PCNT: variants seen among roughly 807,000 people sequenced by gnomAD.
The protein encoded by PCNT is kendrin.
A neutral mutation model predicts 380.4 loss-of-function variants in PCNT; 319 were observed. That is an observed-to-expected ratio of 0.84 (90% CI 0.77 to 0.92). The LOEUF (loss-of-function observed/expected upper bound fraction) is 0.92. Ranked by LOEUF, PCNT falls within the 40% of genes least tolerant of loss-of-function variation. The pLI, the probability that PCNT is intolerant of heterozygous loss-of-function variation, is 0.00. For missense variants in PCNT, 4,400 were observed against 4,255.3 expected, an observed-to-expected ratio of 1.03 and a Z score of -0.95; for synonymous variants, 1,845 against 1,735.2, an observed-to-expected ratio of 1.06 and a Z score of -1.57.
At chr21:46,418,685 G>A (rs1326903915) in intron 31 of PCNT, among the ~76,000 whole-genome samples, 1 of 152,256 alleles carries the variant, frequency 6.6e-6, no homozygotes, top group Non-Finnish European at 1.5e-5. Flanking sequence ...GACTGGGGCG[G>A]TGCACGCCAT....
intron 3 of PCNT, among the ~76,000 whole-genome samples, chr21:46,344,772 C>T (rs528691196): frequency 3.5e-4 from 54 of 152,282 alleles, no homozygotes; most frequent in African/African-American, 1.2e-3. Flanking sequence ...GGATCCGTGC[C>T]GACGGGCCCC....
intron 21 of PCNT, among the ~76,000 whole-genome samples, chr21:46,396,442 TC>T (rs1177086628): frequency 1.3e-5 from 2 of 152,122 alleles, no homozygotes; most frequent in Admixed American, 1.3e-4. Flanking sequence ...GGAGGACCAC[TC>T]CCAAAGCCGC....
At position 46,427,665 on chromosome 21, in the gene PCNT, A is replaced by G; in HGVS notation, c.7364A>G (p.Gln2455Arg). ...ACPDWRGDLL[Q>R]VVQEAFEKEQ... ...CCCGATTGGAGAGGGGACCTTCTGC[A>G]GGTTGTGCAAGAGGCCTTTGAAAAA... Residue 2455 changes from glutamine to arginine, a missense_variant, in exon 34 of 47, where the codon CAG becomes CGG. Transcript: ENST00000359568. The G allele has an allele frequency of 6.2e-7, 1 of 1,613,978 alleles. No homozygotes were observed. Among genetic ancestry groups the G allele is most frequent in the Non-Finnish European group, 8.5e-7 (1 of 1,180,026 alleles).
Position 46,334,688 on chromosome 21 carries a change from G to T in PCNT, c.559G>T (p.Val187Phe), listed in dbSNP as rs1301050198. The change falls in exon 3 of 47, where the codon GTC (valine) becomes TTC (phenylalanine). Residue 187 changes from valine (V) to phenylalanine (F), a missense_variant. By Grantham distance (50) the Val-to-Phe change is conservative. Coordinates refer to ENST00000359568, the MANE Select transcript of PCNT (RefSeq NM_006031.6). ...HQPEQRGMFTVSDHTPEQRGI... is the reference protein window; with the variant it reads ...HQPEQRGMFTFSDHTPEQRGI... The stretch of plus-strand genomic sequence containing the variant: ...ACCGGAACAGCGTGGGATGTTCACA[G>T]TCAGTGACCACACACCAGAACAGCG... 3 of 1,611,644 alleles carry T rather than the reference G, an allele frequency of 1.9e-6. No homozygotes were observed. The highest frequency in any genetic ancestry group is 2.5e-6 in the Non-Finnish European group (3 of 1,179,188).
rs185936398 is a variant in PCNT at position 46,436,573 on chromosome 21, A to G, written c.8997-406A>G. ...TCATATGGGCAGAAAGGGTAATGCT[A>G]ATGTTTGTCTTTTTCCCTATACACA... is the stretch of plus-strand genomic sequence containing the variant. On this transcript the variant is annotated intron_variant, in intron 39 of 46. Transcript: ENST00000359568. Among the ~76,000 whole-genome samples, 4 of 150,298 alleles carry G rather than the reference A, an allele frequency of 2.7e-5. No homozygotes were observed. The East Asian group carries it at 7.9e-4, about 30-fold the overall frequency.
At chr21:46,339,573 TGG>T (rs3058025) in intron 3 of PCNT, among the ~76,000 whole-genome samples, 6,227 of 152,204 alleles carry the variant, frequency 0.041, 193 homozygotes, top group Non-Finnish European at 0.062. Flanking sequence ...GCATCCAGCA[TGG>T]GAGAAAGATG....
chr21:46,331,881 G>A lies in PCNT; in HGVS notation c.268-2516G>A, dbSNP rs114873035. Among the ~76,000 whole-genome samples the A allele has an allele frequency of 2.9e-3, 437 of 152,178 alleles. 2 individuals carry two copies. The highest frequency in any genetic ancestry group is 9.8e-3 in the African/African-American group (406 of 41,524). ...TTTTTTGGTAAAAGAACCATCTGGC[G>A]GGACGCATTGGCTCATGCCTGTAAT... On this transcript the variant is annotated intron_variant, in intron 2 of 46. Transcript: ENST00000359568.
Position 46,354,036 on chromosome 21 carries a change from C to T in PCNT, c.1729C>T (p.His577Tyr), listed in dbSNP as rs750783270. ...EEKPEKGRKD[H>Y]VDELEPERHK... ...GAAACCTGAGAAAGGAAGAAAAGAT[C>T]ACGTTGATGAACTCGAGCCTGAGCG... Residue 577 changes from histidine to tyrosine, a missense_variant, in exon 11 of 47, where the codon CAC (histidine) becomes TAC (tyrosine). Transcript: ENST00000359568. The T allele has an allele frequency of 7.4e-6, 12 of 1,614,100 alleles. No individual in the cohort carries two copies. In the Admixed American group the frequency reaches 2.0e-4, roughly 27 times the overall value.
At chr21:46,390,984 G>T in intron 20 of PCNT, 152 bp downstream of exon 20, 1 of 1,161,820 alleles carries the variant, frequency 8.6e-7, no homozygotes, top group Non-Finnish European at 1.3e-6. Flanking sequence ...GGGAGGAATG[G>T]GGTGGTCGGG....
Position 46,381,692 on chromosome 21 carries a change from A to C in PCNT, c.3166-2A>C, listed in dbSNP as rs774553297. The C allele has an allele frequency of 6.2e-7, 1 of 1,613,152 alleles. No individual in the cohort carries two copies. The highest frequency in any genetic ancestry group is 2.2e-5 in the East Asian group (1 of 44,882). On this transcript the variant is annotated splice_acceptor_variant, in intron 15 of 46. Coordinates refer to ENST00000359568, the MANE Select transcript of PCNT (RefSeq NM_006031.6). LOFTEE classifies it high-confidence loss of function. ...ATTTTTTATTGTTATTGATGTGTAC[A>C]GGGTGAATTTGGAAGTGAAAAGAAA...
At chr21:46,443,069 C>T (rs981646281) in intron 44 of PCNT, 3 of 201,000 alleles carry the variant, frequency 1.5e-5, no homozygotes, top group South Asian at 7.9e-5. Flanking sequence ...GAGCGGCAGG[C>T]GTTGTGTGCA....
At chr21:46,373,691 C>T (rs1211071103) in intron 15 of PCNT, among the ~76,000 whole-genome samples, 1 of 142,006 alleles carries the variant, frequency 7.0e-6, no homozygotes, top group African/African-American at 2.6e-5. Flanking sequence ...TCCCTAAGTG[C>T]TGGGATTACA....
Position 46,445,655 on chromosome 21 carries a change from G to T in PCNT, c.*328G>T. On this transcript the variant is annotated 3_prime_UTR_variant, in exon 47 of 47. Coordinates refer to ENST00000359568, the MANE Select transcript of PCNT (RefSeq NM_006031.6). ...CTCCAAGGAGGATACACAGAGAATG[G>T]CTTCCTGTTGTTTTGTTTATTTTCT... 3.0e-6 allele frequency: 1 copy of T among 333,434 alleles called. No individual in the cohort carries two copies. The highest frequency in any genetic ancestry group is 5.9e-5 in the South Asian group (1 of 16,830). The allele number at this position is 333,434 out of a possible 1,614,324, so 20.7% of individuals were successfully genotyped here.
chr21:46,415,553 T>C (rs143743043), intron 29 of PCNT, among the ~76,000 whole-genome samples: 6,251 of 151,878 alleles, frequency 0.041, 191 homozygotes, highest in Non-Finnish European at 0.062. Context: ...CCTGGCTAAT[T>C]TTTGTATTTT....
At chr21:46,351,850 G>C (rs1440047814) in intron 9 of PCNT, among the ~76,000 whole-genome samples, 1 of 152,232 alleles carries the variant, frequency 6.6e-6, no homozygotes, top group Non-Finnish European at 1.5e-5. Flanking sequence ...CTGAGCGTTT[G>C]CCTCGGAAGG....
Position 46,391,269 on chromosome 21 carries a change from G to C in PCNT, c.4109G>C (p.Arg1370Pro), listed in dbSNP as rs145055342. 6.3e-7 allele frequency: 1 copy of C among 1,596,130 alleles called. No individual in the cohort carries two copies. Among genetic ancestry groups the C allele is most frequent in the African/African-American group, 1.3e-5 (1 of 74,772 alleles). Residue 1370 changes from arginine to proline, a missense_variant, in exon 21 of 47, where the codon CGG becomes CCG. Coordinates refer to ENST00000359568, the MANE Select transcript of PCNT (RefSeq NM_006031.6). ...GTGCTGGAGCTGGAGAGCCTGAGAC[G>C]GCAGCTGCAGCAGGCGGCCCAGGAG... is the stretch of plus-strand genomic sequence containing the variant. ...RLVLELESLR[R>P]QLQQAAQEQA...
At position 46,347,524 on chromosome 21, in the gene PCNT, C is replaced by A. The variant is rs761178231; in HGVS notation, c.1032+12C>A. 1.2e-6 allele frequency: 2 copies of A among 1,613,152 alleles called. No individual in the cohort carries two copies. The highest frequency in any genetic ancestry group is 2.7e-5 in the African/African-American group (2 of 74,892). Reference sequence around the variant, plus strand: ...CCCAGATAGTAAAGGTACCCGGGATCGATTCTAAAATGCACGCCTCTGTGT... The same window carrying A: ...CCCAGATAGTAAAGGTACCCGGGATAGATTCTAAAATGCACGCCTCTGTGT... On this transcript the variant is annotated intron_variant, in intron 6 of 46. Coordinates refer to ENST00000359568, the MANE Select transcript of PCNT (RefSeq NM_006031.6).
At chr21:46,397,923 T>C in intron 22 of PCNT, 91 bp from the exon 23 acceptor site, 4 of 924,982 alleles carry the variant, frequency 4.3e-6, no homozygotes, top group Non-Finnish European at 6.8e-6. Flanking sequence ...CAGTTGCACT[T>C]GTACGTGCAG....
chr21:46,341,709 T>A lies in PCNT; in HGVS notation c.640-4419T>A, dbSNP rs767663104. Among the ~76,000 whole-genome samples, 58 of 151,642 alleles carry A rather than the reference T, an allele frequency of 3.8e-4. 1 individual carries two copies. The highest frequency in any genetic ancestry group is 7.2e-4 in the Non-Finnish European group (49 of 67,942). On this transcript the variant is annotated intron_variant, in intron 3 of 46. Transcript: ENST00000359568. ...TTTGTTTTTTAATTTTGAGACGGGG[T>A]CTTACCCTGTTGCCCATGCTGCAGT...
Sources: gnomAD v4.1 joint callset for allele counts (sites outside exome capture counted in the v4.1 genomes callset) on GRCh38, gnomAD v4.1.1 for gene constraint, MANE v1.5 for transcripts, NCBI Gene and HGNC (gene_info 2026-07-23, HGNC 2026-07-21) for gene names.